Variants in DIP2B observed in about 807,000 individuals in gnomAD.
The protein encoded by DIP2B is disco-interacting protein 2 homolog B.
In DIP2B, 76 loss-of-function variants were observed where a neutral mutation model predicts 198.0. The ratio of observed to expected loss-of-function variants is 0.38; its 90% CI spans 0.32 to 0.46. The LOEUF is 0.46. Ranked by LOEUF, DIP2B falls within the 20% of genes least tolerant of loss-of-function variation. The probability of loss-of-function intolerance (pLI) is 0.99; values close to 1 mark genes in which losing one functional copy is unlikely to be tolerated. For synonymous variants in DIP2B, 701 were observed against 739.1 expected, an observed-to-expected ratio of 0.95 and a Z score of 0.84; for missense variants, 1,559 against 1,978.4, an observed-to-expected ratio of 0.79 and a Z score of 4.02.
At position 50,628,136 on chromosome 12, in the gene DIP2B, C is replaced by T. The variant is rs150313393; in HGVS notation, c.172+2089C>T. 2.2e-4 allele frequency among the ~76,000 whole-genome samples: 33 copies of T among 152,168 alleles called. No individual in the cohort carries two copies. The East Asian group carries it at 5.4e-3, about 25-fold the overall frequency. ...CTGTAATTCCAGTACTTTGGGAGGC[C>T]GAGGCGGGTGGATCACATGAAGTCA... On this transcript the variant is annotated intron_variant, in intron 2 of 37. Coordinates refer to ENST00000301180, the MANE Select transcript of DIP2B (RefSeq NM_173602.3).
Position 50,640,888 on chromosome 12 carries a change from T to C in DIP2B, c.301+36T>C, listed in dbSNP as rs184438387. 4 of 1,603,250 alleles carry C rather than the reference T, an allele frequency of 2.5e-6. 1 individual carries two copies. In the South Asian group the frequency reaches 4.5e-5, roughly 18 times the overall value. On this transcript the variant is annotated intron_variant, in intron 3 of 37. Transcript: ENST00000301180. ...GCTGCAGAATGGCCAGCTGAATCGT[T>C]TTCCTAACAGTAGTATGAACTGTGT...
intron 10 of DIP2B, among the ~76,000 whole-genome samples, chr12:50,683,871 G>A (rs1939087708): frequency 6.6e-6 from 1 of 152,172 alleles, no homozygotes; most frequent in Non-Finnish European, 1.5e-5. Context: ...TAGCACTTTG[G>A]GAGATTGAGG....
At position 50,697,107 on chromosome 12, in the gene DIP2B, T is replaced by C. The variant is rs758091090; in HGVS notation, c.1980T>C (p.His660=). 4 of 1,614,116 alleles carry C rather than the reference T, an allele frequency of 2.5e-6. No homozygotes were observed. Among genetic ancestry groups the C allele is most frequent in the Admixed American group, 1.7e-5 (1 of 60,012 alleles). ...CCTTCCTGAGTCTGTTCCAAAGTCATGGACTGAAGCCTGAGGCCATCTGTC... is the reference window on the plus strand; with the variant it reads ...CCTTCCTGAGTCTGTTCCAAAGTCACGGACTGAAGCCTGAGGCCATCTGTC... ...CDAFLSLFQS[H]GLKPEAICPC... The change falls in exon 17 of 38, where the codon CAT becomes CAC. Residue 660 remains histidine, a synonymous_variant. Transcript: ENST00000301180.
At chr12:50,634,926 A>G (rs1230301094) in intron 2 of DIP2B, among the ~76,000 whole-genome samples, 1 of 152,202 alleles carries the variant, frequency 6.6e-6, no homozygotes, top group Non-Finnish European at 1.5e-5. Flanking sequence ...AGGGCACTCT[A>G]CACATTATAG....
intron 1 of DIP2B, among the ~76,000 whole-genome samples, chr12:50,620,230 GCTTTT>G (rs1937783892): frequency 6.6e-6 from 1 of 152,132 alleles, no homozygotes; most frequent in Non-Finnish European, 1.5e-5. Flanking sequence ...CCACCTTGTG[GCTTTT>G]AGGAGGCTTG....
Position 50,541,422 on chromosome 12 carries a change from T to A in DIP2B, c.100+36182T>A, listed in dbSNP as rs1009840812. Among the ~76,000 whole-genome samples, 22 of 150,756 alleles carry A rather than the reference T, an allele frequency of 1.5e-4. 1 individual carries two copies. In the South Asian group the frequency reaches 2.9e-3, roughly 20 times the overall value. The stretch of plus-strand genomic sequence containing the variant: ...AACATTCTTTTTTTTTTTTTTTTTT[T>A]AAATCCATAGTCACCATCAACTTCT... On this transcript the variant is annotated intron_variant, in intron 1 of 37. Transcript: ENST00000301180.
At chr12:50,632,998 C>CA (rs1938089760) in intron 2 of DIP2B, among the ~76,000 whole-genome samples, 2 of 151,796 alleles carry the variant, frequency 1.3e-5, no homozygotes, top group African/African-American at 2.4e-5. Context: ...AGGCTGGTCT[C>CA]AAACGCCTGG....
chr12:50,576,428 C>A (rs769700783), intron 1 of DIP2B, among the ~76,000 whole-genome samples: 11 of 151,236 alleles, frequency 7.3e-5, no homozygotes, highest in Non-Finnish European at 1.3e-4. Flanking sequence ...GTGAAAGAGA[C>A]CACATGTGGT....
chr12:50,697,115 A>C lies in DIP2B; in HGVS notation c.1988A>C (p.Lys663Thr). The C allele has an allele frequency of 6.2e-7, 1 of 1,614,110 alleles. No individual in the cohort carries two copies. Among genetic ancestry groups the C allele is most frequent in the South Asian group, 1.1e-5 (1 of 91,084 alleles). ...AGTCTGTTCCAAAGTCATGGACTGAAGCCTGAGGCCATCTGTCCGTGCGCC... is the reference window on the plus strand; with the variant it reads ...AGTCTGTTCCAAAGTCATGGACTGACGCCTGAGGCCATCTGTCCGTGCGCC... The part of the protein sequence containing the change: ...FLSLFQSHGL[K>T]PEAICPCATS... The change falls in exon 17 of 38, where the codon AAG (lysine) becomes ACG (threonine). Residue 663 changes from lysine (K) to threonine (T), a missense_variant. Transcript: ENST00000301180.
intron 1 of DIP2B, among the ~76,000 whole-genome samples, chr12:50,608,912 C>T (rs1029014647): frequency 1.3e-5 from 2 of 152,084 alleles, no homozygotes; most frequent in African/African-American, 2.4e-5. Flanking sequence ...GAGGCTGAGA[C>T]GGGTGGATCA....
intron 1 of DIP2B, among the ~76,000 whole-genome samples, chr12:50,525,544 ACT>A (rs1958156169): frequency 7.4e-6 from 1 of 134,710 alleles, no homozygotes; most frequent in Admixed American, 8.2e-5. Context: ...ACAGAGTCTC[ACT>A]CTCTCATCCA....
chr12:50,538,032 TA>T (rs1290230092), intron 1 of DIP2B, among the ~76,000 whole-genome samples: 1 of 152,184 alleles, frequency 6.6e-6, no homozygotes, highest in Non-Finnish European at 1.5e-5. Flanking sequence ...AGTACTTATT[TA>T]TTTTACTTTA....
chr12:50,563,801 T>C (rs1329050077), intron 1 of DIP2B, among the ~76,000 whole-genome samples: 2 of 151,120 alleles, frequency 1.3e-5, no homozygotes, highest in Non-Finnish European at 2.9e-5. Context: ...CAGCCTAATT[T>C]TTTTTTTTTT....
chr12:50,520,906 C>T (rs1170060577), intron 1 of DIP2B, among the ~76,000 whole-genome samples: 1 of 152,034 alleles, frequency 6.6e-6, no homozygotes, highest in African/African-American at 2.4e-5. Flanking sequence ...CTCACTCTTT[C>T]TTGGCAAGCT....
At chr12:50,583,087 AT>A (rs1444433027) in intron 1 of DIP2B, among the ~76,000 whole-genome samples, 1 of 152,232 alleles carries the variant, frequency 6.6e-6, no homozygotes, top group Non-Finnish European at 1.5e-5. Context: ...CCATGTAGAC[AT>A]AACCACAAGC....
chr12:50,505,022 C>G lies in DIP2B; in HGVS notation c.-119C>G. ...CTCATGGCGGCGGCGGCGGCGGCGG[C>G]GGTGCTGGTGGTGCTCGGCGGCCGG... On this transcript the variant is annotated 5_prime_UTR_variant, in exon 1 of 38. Transcript: ENST00000301180. 4.0e-6 allele frequency: 4 copies of G among 1,001,186 alleles called. No individual in the cohort carries two copies. Among genetic ancestry groups the G allele is most frequent in the Non-Finnish European group, 5.8e-6 (4 of 691,988 alleles). 62.0% of individuals were successfully genotyped at this position (1,001,186 alleles called of 1,614,324 possible).
chr12:50,731,354 T>C lies in DIP2B; in HGVS notation c.3642-15T>C. 2 of 1,610,056 alleles carry C rather than the reference T, an allele frequency of 1.2e-6. No individual in the cohort carries two copies. Among genetic ancestry groups the C allele is most frequent in the Non-Finnish European group, 1.7e-6 (2 of 1,177,970 alleles). ...GATGAATTGATGATTCCAGCTCTTG[T>C]CTCTTTCACTGCAGTGTCTATTCAG... On this transcript the variant is annotated splice_polypyrimidine_tract_variant and intron_variant, in intron 30 of 37. Transcript: ENST00000301180.
At chr12:50,627,630 A>G (rs1263190425) in intron 2 of DIP2B, among the ~76,000 whole-genome samples, 3 of 152,216 alleles carry the variant, frequency 2.0e-5, no homozygotes, top group Non-Finnish European at 4.4e-5. Flanking sequence ...CGCCTGGCCT[A>G]CTATGAGAAA....
At chr12:50,639,626 G>A (rs1938219748) in intron 2 of DIP2B, among the ~76,000 whole-genome samples, 1 of 151,112 alleles carries the variant, frequency 6.6e-6, no homozygotes, top group South Asian at 2.1e-4. Flanking sequence ...TGCTTTATAG[G>A]CTGATTCTCA....
Sources: allele counts gnomAD v4.1 joint callset (sites outside exome capture counted in the v4.1 genomes callset), GRCh38; gene constraint gnomAD v4.1.1; transcripts MANE v1.5; gene names NCBI Gene and HGNC (gene_info 2026-07-23, HGNC 2026-07-21).